The following RSRC1 variants were observed in gnomAD, a reference collection of about 807,000 sequenced individuals.
The protein encoded by RSRC1 is arginine and serine rich coiled-coil 1.
A neutral mutation model predicts 49.1 loss-of-function variants in RSRC1; 39 were observed. The observed-to-expected ratio is 0.79, with a 90% CI of 0.61 to 1.04. RSRC1 has a LOEUF of 1.04. Among genes scored for constraint, RSRC1 ranks in the 50% least tolerant of loss-of-function variants. The pLI is 0.00. For missense variants in RSRC1, 388 were observed against 402.4 expected, an observed-to-expected ratio of 0.96 and a Z score of 0.31; for synonymous variants, 143 against 130.8, an observed-to-expected ratio of 1.09 and a Z score of -0.63.
At chr3:158,419,583 A>G (rs949650865) in intron 6 of RSRC1, among the ~76,000 whole-genome samples, 1 of 151,928 alleles carries the variant, frequency 6.6e-6, no homozygotes, top group African/African-American at 2.4e-5. Flanking sequence ...CTCTAAAATC[A>G]TGTGATTGAT....
At chr3:158,470,361 C>CATATATAT (rs59508977) in intron 7 of RSRC1, among the ~76,000 whole-genome samples, 42 of 100,336 alleles carry the variant, frequency 4.2e-4, no homozygotes, top group African/African-American at 1.1e-3. Flanking sequence ...CACACACACA[C>CATATATAT]ATATATATAT....
intron 4 of RSRC1, among the ~76,000 whole-genome samples, chr3:158,292,865 A>G (rs1727017753): frequency 1.3e-5 from 2 of 152,184 alleles, no homozygotes; most frequent in South Asian, 2.1e-4. Flanking sequence ...GCCTCACATC[A>G]TAGGTGGACA....
At chr3:158,448,400 G>A (rs12489767) in intron 6 of RSRC1, among the ~76,000 whole-genome samples, 3 of 151,890 alleles carry the variant, frequency 2.0e-5, no homozygotes, top group Admixed American at 2.0e-4. Context: ...TGTTGGGTAA[G>A]CATCAGACAG....
intron 4 of RSRC1, among the ~76,000 whole-genome samples, chr3:158,220,672 T>C (rs1397942712): frequency 6.6e-6 from 1 of 151,632 alleles, no homozygotes; most frequent in Non-Finnish European, 1.5e-5. Flanking sequence ...TTCTTTCTTT[T>C]AATAACCACC....
intron 7 of RSRC1, chr3:158,496,907 A>C (rs1578546015): frequency 4.9e-6 from 1 of 206,174 alleles, no homozygotes. Context: ...GATGTCATTG[A>C]CGAGTACTTC....
At chr3:158,507,161 G>A (rs1739898280) in intron 7 of RSRC1, among the ~76,000 whole-genome samples, 1 of 152,078 alleles carries the variant, frequency 6.6e-6, no homozygotes. Context: ...AATATCATAT[G>A]TTGTCAATCA....
At chr3:158,360,137 G>A (rs1005059515) in intron 6 of RSRC1, among the ~76,000 whole-genome samples, 1 of 152,080 alleles carries the variant, frequency 6.6e-6, no homozygotes, top group African/African-American at 2.4e-5. Context: ...CATGTCTGCA[G>A]CTCTCAGCAG....
intron 7 of RSRC1, among the ~76,000 whole-genome samples, chr3:158,518,124 G>A (rs1489730533): frequency 0.15 from 7,465 of 51,362 alleles, 624 homozygotes; most frequent in African/African-American, 0.23. Flanking sequence ...GTGTGTGTGT[G>A]TGTATATATA....
intron 6 of RSRC1, among the ~76,000 whole-genome samples, chr3:158,424,846 G>T (rs1202669807): frequency 6.6e-6 from 1 of 152,098 alleles, no homozygotes; most frequent in Non-Finnish European, 1.5e-5. Context: ...ATTTCTTCTA[G>T]ATTTTCTAGT....
intron 3 of RSRC1, among the ~76,000 whole-genome samples, chr3:158,169,092 A>T (rs1251757477): frequency 6.6e-6 from 1 of 152,154 alleles, no homozygotes; most frequent in East Asian, 1.9e-4. Flanking sequence ...CACCCCTAAT[A>T]TCAGCGTGAT....
At chr3:158,408,903 C>G (rs766721948) in intron 6 of RSRC1, among the ~76,000 whole-genome samples, 1 of 151,902 alleles carries the variant, frequency 6.6e-6, no homozygotes, top group African/African-American at 2.4e-5. Context: ...CATGGTGGCT[C>G]AGGCTTGTAA....
At chr3:158,421,875 A>G (rs544705446) in intron 6 of RSRC1, among the ~76,000 whole-genome samples, 2 of 151,734 alleles carry the variant, frequency 1.3e-5, no homozygotes, top group African/African-American at 4.8e-5. Context: ...TCTTAGAAAA[A>G]TTCATAGCTA....
intron 6 of RSRC1, among the ~76,000 whole-genome samples, chr3:158,441,884 C>G (rs951148560): frequency 4.6e-5 from 7 of 152,092 alleles, no homozygotes; most frequent in Non-Finnish European, 8.8e-5. Context: ...AGGGAATATA[C>G]AGGCATACTT....
At chr3:158,243,776 C>T (rs374889179) in intron 4 of RSRC1, among the ~76,000 whole-genome samples, 12 of 152,108 alleles carry the variant, frequency 7.9e-5, no homozygotes, top group Admixed American at 7.9e-4. Flanking sequence ...TAGCTGTATT[C>T]CTAGGTATTT....
chr3:158,123,961 A>G lies in RSRC1; in HGVS notation c.290A>G (p.Gln97Arg). 5.0e-6 allele frequency: 8 copies of G among 1,609,792 alleles called. No homozygotes were observed. Among genetic ancestry groups the G allele is most frequent in the Non-Finnish European group, 5.9e-6 (7 of 1,177,620 alleles). The change falls in exon 3 of 10, where the codon CAG becomes CGG. Residue 97 changes from glutamine (Q) to arginine (R), a missense_variant. Transcript: ENST00000611884. ...SRGRGKSYRV[Q>R]RSRSKSRTRR... Reference sequence around the variant, plus strand: ...GGTCGAGGGAAATCCTATAGAGTTCAGAGGTCTAGGTCAAAAAGCAGAACA... The same window carrying G: ...GGTCGAGGGAAATCCTATAGAGTTCGGAGGTCTAGGTCAAAAAGCAGAACA...
At chr3:158,345,724 A>G (rs1411928678) in intron 5 of RSRC1, among the ~76,000 whole-genome samples, 3 of 151,430 alleles carry the variant, frequency 2.0e-5, no homozygotes, top group Non-Finnish European at 2.9e-5. Flanking sequence ...AAATAGATCA[A>G]TGGATCATAA....
chr3:158,532,459 C>T (rs144571396), intron 7 of RSRC1, among the ~76,000 whole-genome samples: 65 of 151,976 alleles, frequency 4.3e-4, no homozygotes, highest in Non-Finnish European at 8.4e-4. Flanking sequence ...ATTTGTATAA[C>T]ATTTGGTATT....
In RSRC1 at chr3:158,123,992, G is replaced by A; in HGVS notation, c.320+1G>A. The stretch of plus-strand genomic sequence containing the variant: ...CTAGGTCAAAAAGCAGAACAAGAAG[G>A]TATGCCTTATTAAGTATTTATTGCT... On this transcript the variant is annotated splice_donor_variant, in intron 3 of 9. Coordinates refer to ENST00000611884, the MANE Select transcript of RSRC1 (RefSeq NM_001271838.2). LOFTEE classifies it high-confidence loss of function. The A allele has an allele frequency of 1.3e-6, 2 of 1,581,360 alleles. No homozygotes were observed. Among genetic ancestry groups the A allele is most frequent in the Non-Finnish European group, 1.7e-6 (2 of 1,164,868 alleles).
At chr3:158,137,826 G>T (rs143859385) in intron 3 of RSRC1, among the ~76,000 whole-genome samples, 16 of 151,656 alleles carry the variant, frequency 1.1e-4, no homozygotes, top group African/African-American at 3.9e-4. Flanking sequence ...GCTAATTTTC[G>T]TATTTTTAGT....
Sources: allele counts gnomAD v4.1 joint callset (sites outside exome capture counted in the v4.1 genomes callset), GRCh38; gene constraint gnomAD v4.1.1; transcripts MANE v1.5; gene names NCBI Gene and HGNC (gene_info 2026-07-23, HGNC 2026-07-21).